The following PDZRN3 variants were observed in gnomAD, a reference collection of about 807,000 sequenced individuals.
PDZRN3 encodes the protein E3 ubiquitin-protein ligase PDZRN3.
Under a neutral mutation model 85.7 loss-of-function variants are expected in PDZRN3, and 38 were observed. That is an observed-to-expected ratio of 0.44 (90% CI 0.34 to 0.58). The LOEUF (loss-of-function observed/expected upper bound fraction) is 0.58. Among genes scored for constraint, PDZRN3 ranks in the 20% least tolerant of loss-of-function variants. PDZRN3 has a pLI of 0.01. For missense variants in PDZRN3, 1,629 were observed against 1,506.4 expected, an observed-to-expected ratio of 1.08 and a Z score of -1.35; for synonymous variants, 759 against 638.0, an observed-to-expected ratio of 1.19 and a Z score of -2.86.
chr3:73,397,811 T>G (rs1701670588), intron 5 of PDZRN3, among the ~76,000 whole-genome samples: 1 of 152,312 alleles, frequency 6.6e-6, no homozygotes, highest in South Asian at 2.1e-4. Flanking sequence ...TGAGTTGCTG[T>G]GGACAAAATG....
chr3:73,525,816 C>T (rs552046740), intron 3 of PDZRN3, among the ~76,000 whole-genome samples: 2 of 152,190 alleles, frequency 1.3e-5, no homozygotes, highest in Non-Finnish European at 2.9e-5. Context: ...GCCAGTCTCA[C>T]GTGGTTTTCC....
chr3:73,480,790 T>C (rs1021177325), intron 3 of PDZRN3, among the ~76,000 whole-genome samples: 2 of 152,208 alleles, frequency 1.3e-5, no homozygotes, highest in Admixed American at 6.5e-5. Context: ...AACAGTGTCC[T>C]TCCCCAAGCC....
chr3:73,603,999 G>A (rs1235629174), intron 2 of PDZRN3, among the ~76,000 whole-genome samples: 4 of 151,808 alleles, frequency 2.6e-5, no homozygotes, highest in East Asian at 1.9e-4. Context: ...ATCCCCACAT[G>A]ACAAAGATAT....
At chr3:73,398,934 A>G (rs1489502822) in intron 5 of PDZRN3, among the ~76,000 whole-genome samples, 1 of 152,230 alleles carries the variant, frequency 6.6e-6, no homozygotes, top group African/African-American at 2.4e-5. Context: ...AAAGAGAAAT[A>G]GAAAGCACGT....
At chr3:73,580,262 A>C (rs1702179450) in intron 3 of PDZRN3, among the ~76,000 whole-genome samples, 1 of 152,216 alleles carries the variant, frequency 6.6e-6, no homozygotes, top group Non-Finnish European at 1.5e-5. Context: ...TACAAGTGAG[A>C]GGGAGAGAGG....
At chr3:73,585,072 T>A (rs1462673066) in intron 3 of PDZRN3, among the ~76,000 whole-genome samples, 1 of 152,222 alleles carries the variant, frequency 6.6e-6, no homozygotes, top group Non-Finnish European at 1.5e-5. Flanking sequence ...GGCTGGCATA[T>A]AAACACATAA....
At chr3:73,517,559 T>G (rs1442190334) in intron 3 of PDZRN3, among the ~76,000 whole-genome samples, 2 of 152,270 alleles carry the variant, frequency 1.3e-5, no homozygotes, top group South Asian at 2.1e-4. Flanking sequence ...CTGAATGAAA[T>G]GTACACAAGA....
rs541164705 is a variant in PDZRN3 at position 73,600,931 on chromosome 3, T to C, written c.918+1423A>G. The stretch of plus-strand genomic sequence containing the variant: ...AAGTACAAAGACTGACTCTAAACCA[T>C]GCAGCAAAAAAAGCTCCAAGTTTAA... On this transcript the variant is annotated intron_variant, in intron 3 of 9. Transcript: ENST00000263666. Among the ~76,000 whole-genome samples, 16 of 152,204 alleles carry C rather than the reference T, an allele frequency of 1.1e-4. No homozygotes were observed. In the South Asian group the frequency reaches 3.3e-3, roughly 32 times the overall value.
chr3:73,531,931 G>C (rs1486798832), intron 3 of PDZRN3, among the ~76,000 whole-genome samples: 1 of 152,220 alleles, frequency 6.6e-6, no homozygotes, highest in Non-Finnish European at 1.5e-5. Flanking sequence ...AGAGGAGAGT[G>C]TTGTATAAAA....
At chr3:73,490,307 G>A (rs534703416) in intron 3 of PDZRN3, among the ~76,000 whole-genome samples, 25 of 152,296 alleles carry the variant, frequency 1.6e-4, no homozygotes, top group Middle Eastern at 6.8e-3. Context: ...AACTCTCACT[G>A]CTGCACATGG....
intron 3 of PDZRN3, among the ~76,000 whole-genome samples, chr3:73,575,082 T>G (rs915319883): frequency 6.6e-6 from 1 of 152,228 alleles, no homozygotes; most frequent in East Asian, 1.9e-4. Context: ...AAGGACTTCA[T>G]GTTTATCACA....
intron 3 of PDZRN3, among the ~76,000 whole-genome samples, chr3:73,412,959 C>T (rs1209896907): frequency 6.6e-6 from 1 of 152,178 alleles, no homozygotes; most frequent in Non-Finnish European, 1.5e-5. Context: ...TGCCATTTAT[C>T]AGATGTGTGA....
intron 3 of PDZRN3, among the ~76,000 whole-genome samples, chr3:73,562,394 C>A (rs1190834148): frequency 6.6e-6 from 1 of 151,992 alleles, no homozygotes; most frequent in Non-Finnish European, 1.5e-5. Flanking sequence ...CTGAGAAACC[C>A]CTGGCATTAG....
chr3:73,432,380 C>G (rs755854946), intron 3 of PDZRN3, among the ~76,000 whole-genome samples: 40 of 152,110 alleles, frequency 2.6e-4, no homozygotes, highest in African/African-American at 6.0e-4. Context: ...AGTCACAGGT[C>G]GGAAATGTAT....
intron 3 of PDZRN3, among the ~76,000 whole-genome samples, chr3:73,469,439 G>C (rs757855722): frequency 6.6e-5 from 10 of 152,188 alleles, no homozygotes; most frequent in Non-Finnish European, 7.3e-5. Context: ...GCATTATTTG[G>C]CGTCAGGTGA....
chr3:73,417,883 G>C (rs764193897), intron 3 of PDZRN3, among the ~76,000 whole-genome samples: 3 of 152,162 alleles, frequency 2.0e-5, no homozygotes, highest in Non-Finnish European at 2.9e-5. Context: ...CAGATTTCTG[G>C]AAATATTGGC....
At chr3:73,443,425 ATGATT>A (rs1037133485) in intron 3 of PDZRN3, among the ~76,000 whole-genome samples, 11 of 149,026 alleles carry the variant, frequency 7.4e-5, no homozygotes, top group African/African-American at 2.6e-4. Flanking sequence ...GGGAACTACC[ATGATT>A]TTTGACTTAC....
rs140037400 is a variant in PDZRN3, at chr3:73,402,941, C to CTTTTTTTTTTTTT, written c.1166+1194_1166+1206dup. Reference sequence around the variant, plus strand: ...GATGTGCAAAGTCACACATGAAAAGCTTTTTTTTTTTTTTTTTTTTGAGAC... The same window carrying CTTTTTTTTTTTTT: ...GATGTGCAAAGTCACACATGAAAAGCTTTTTTTTTTTTTTTTTTTTTTTTTTTTTTTTTGAGAC... On this transcript the variant is annotated intron_variant, in intron 4 of 9. Transcript: ENST00000263666. 2.4e-3 allele frequency among the ~76,000 whole-genome samples: 277 copies of CTTTTTTTTTTTTT among 115,612 alleles called. 7 individuals carry two copies. The highest frequency in any genetic ancestry group is 4.6e-3 in the African/African-American group (124 of 26,732). The allele number at this position is 115,612 out of a possible 152,430, so 75.8% of individuals were successfully genotyped here.
At chr3:73,455,115 A>T (rs1702952701) in intron 3 of PDZRN3, among the ~76,000 whole-genome samples, 1 of 152,196 alleles carries the variant, frequency 6.6e-6, no homozygotes, top group Admixed American at 6.5e-5. Context: ...TATTATCAGG[A>T]AAAGAAGCTG....
Sources: gnomAD v4.1 joint callset for allele counts (sites outside exome capture counted in the v4.1 genomes callset) on GRCh38, gnomAD v4.1.1 for gene constraint, MANE v1.5 for transcripts, NCBI Gene and HGNC (gene_info 2026-07-23, HGNC 2026-07-21) for gene names.